The following DGKB variants were observed in gnomAD, a reference collection of about 807,000 sequenced individuals.
DGKB encodes 90 kDa diacylglycerol kinase.
Under a neutral mutation model 114.3 loss-of-function variants are expected in DGKB, and 67 were observed. The ratio of observed to expected loss-of-function variants is 0.59; its 90% CI spans 0.48 to 0.72. The LOEUF (loss-of-function observed/expected upper bound fraction) is 0.72, where lower values mean the gene tolerates loss of function less well. DGKB is among the 30% of genes least tolerant of loss of function. The pLI is 0.00. For missense variants in DGKB, 907 were observed against 975.2 expected (o/e 0.93, Z 0.93); for synonymous variants, 398 against 323.1 (o/e 1.23, Z -2.49).
At chr7:14,753,986 GT>G in intron 3 of DGKB, 38 bp from the exon 4 acceptor site, 1 of 1,393,272 alleles carries the variant, frequency 7.2e-7, no homozygotes, top group Non-Finnish European at 1.0e-6. Context: ...ATGTGTTAAT[GT>G]AAGATACTTT....
chr7:14,725,208 T>C (rs1829839721), intron 5 of DGKB, among the ~76,000 whole-genome samples: 1 of 152,056 alleles, frequency 6.6e-6, no homozygotes, highest in Non-Finnish European at 1.5e-5. Context: ...CAAAAAAACT[T>C]TCTGCACTCT....
At chr7:14,687,003 T>C (rs949911149) in intron 9 of DGKB, among the ~76,000 whole-genome samples, 11 of 152,190 alleles carry the variant, frequency 7.2e-5, no homozygotes, top group African/African-American at 2.7e-4. Flanking sequence ...CACTCCCTTG[T>C]AGGCAAAGGT....
intron 23 of DGKB, among the ~76,000 whole-genome samples, chr7:14,261,383 C>T (rs926758168): frequency 9.2e-5 from 14 of 151,942 alleles, no homozygotes; most frequent in Non-Finnish European, 2.1e-4. Flanking sequence ...TGCAGAAATA[C>T]CTAAGTGTTG....
intron 1 of DGKB, among the ~76,000 whole-genome samples, chr7:14,945,164 C>T (rs67099092): frequency 0.13 from 18,993 of 151,608 alleles, 1,304 homozygotes; most frequent in Admixed American, 0.19. Context: ...AACAAAAATG[C>T]AATCAGCTAC....
chr7:14,765,735 G>C (rs1836352578), intron 2 of DGKB, among the ~76,000 whole-genome samples: 1 of 151,902 alleles, frequency 6.6e-6, no homozygotes, highest in Non-Finnish European at 1.5e-5. Context: ...TTAAGAAAAA[G>C]AGTATACTTG....
chr7:14,704,675 A>G, intron 6 of DGKB, among the ~76,000 whole-genome samples: 1 of 152,114 alleles, frequency 6.6e-6, no homozygotes, highest in East Asian at 1.9e-4. Context: ...ACCCCTGAGC[A>G]GCCTAACTGG....
At chr7:14,166,628 C>A (rs1051501373) in intron 25 of DGKB, among the ~76,000 whole-genome samples, 2 of 152,116 alleles carry the variant, frequency 1.3e-5, no homozygotes, top group Non-Finnish European at 2.9e-5. Flanking sequence ...GCACTATAAA[C>A]CCTGGGCAGA....
rs188217710 is a variant in DGKB, at chr7:14,666,677, G to T, written c.1134+6252C>A. Among the ~76,000 whole-genome samples, 12 of 151,860 alleles carry T rather than the reference G, an allele frequency of 7.9e-5. No individual in the cohort carries two copies. In the East Asian group the frequency reaches 2.3e-3, roughly 29 times the overall value. ...TACATTTTTTTGGAAGTAAAATAAGGGGAGGATTTAAGGAAATCTACCTTT... is the reference window on the plus strand; with the variant it reads ...TACATTTTTTTGGAAGTAAAATAAGTGGAGGATTTAAGGAAATCTACCTTT... On this transcript the variant is annotated intron_variant, in intron 13 of 25. Transcript: ENST00000402815.
intron 25 of DGKB, among the ~76,000 whole-genome samples, chr7:14,152,662 G>C (rs866191085): frequency 3.9e-5 from 6 of 151,910 alleles, no homozygotes; most frequent in Admixed American, 1.3e-4. Context: ...GAAAAATGTG[G>C]GTTCAGTTTC....
At chr7:14,209,517 A>G (rs542939479) in intron 23 of DGKB, 9 of 503,002 alleles carry the variant, frequency 1.8e-5, no homozygotes, top group African/African-American at 1.6e-4. Context: ...TCAGGAGGTC[A>G]TATGCAGTCT....
At chr7:14,919,085 C>CAA (rs1554345158) in intron 1 of DGKB, among the ~76,000 whole-genome samples, 11 of 122,190 alleles carry the variant, frequency 9.0e-5, no homozygotes, top group African/African-American at 3.4e-4. Flanking sequence ...CACACACACA[C>CAA]ACACACACAA....
intron 23 of DGKB, among the ~76,000 whole-genome samples, chr7:14,281,775 GA>G (rs1800000503): frequency 6.6e-6 from 1 of 151,804 alleles, no homozygotes; most frequent in Non-Finnish European, 1.5e-5. Context: ...GGTACATAAC[GA>G]AATGAAGGCA....
At chr7:14,368,998 T>C (rs891539950) in intron 21 of DGKB, among the ~76,000 whole-genome samples, 1 of 152,142 alleles carries the variant, frequency 6.6e-6, no homozygotes, top group Non-Finnish European at 1.5e-5. Flanking sequence ...GGTATACATG[T>C]GCCATGGTGG....
chr7:14,955,349 T>G (rs1587452520), intron 1 of DGKB, among the ~76,000 whole-genome samples: 1 of 152,010 alleles, frequency 6.6e-6, no homozygotes, highest in Admixed American at 6.6e-5. Context: ...CTCATTCTCT[T>G]TCAATTTCTA....
intron 20 of DGKB, among the ~76,000 whole-genome samples, chr7:14,523,521 T>A (rs1355821288): frequency 6.6e-6 from 1 of 152,112 alleles, no homozygotes; most frequent in Non-Finnish European, 1.5e-5. Context: ...AAGCTCAGGA[T>A]CTCAGGATAT....
chr7:14,195,875 G>A (rs754191360), intron 23 of DGKB, among the ~76,000 whole-genome samples: 1 of 152,112 alleles, frequency 6.6e-6, no homozygotes, highest in Admixed American at 6.5e-5. Context: ...TGCTTAGCAA[G>A]AGATTGAAAG....
At chr7:14,883,750 G>C (rs1329295010) in intron 1 of DGKB, among the ~76,000 whole-genome samples, 2 of 151,996 alleles carry the variant, frequency 1.3e-5, no homozygotes, top group Non-Finnish European at 2.9e-5. Context: ...GGATTCAGGA[G>C]CTCTGCAAAT....
chr7:14,888,782 A>C (rs950862278), intron 1 of DGKB, among the ~76,000 whole-genome samples: 9 of 151,836 alleles, frequency 5.9e-5, no homozygotes, highest in African/African-American at 1.9e-4. Context: ...TAAGTTTCAA[A>C]GTTGGCTACA....
At chr7:14,924,543 T>G (rs548351186) in intron 1 of DGKB, among the ~76,000 whole-genome samples, 119 of 152,156 alleles carry the variant, frequency 7.8e-4, no homozygotes, top group Non-Finnish European at 1.3e-3. Flanking sequence ...AAACTCATAT[T>G]TTTCCTCTCC....
Sources: gnomAD v4.1 joint callset for allele counts (sites outside exome capture counted in the v4.1 genomes callset) on GRCh38, gnomAD v4.1.1 for gene constraint, MANE v1.5 for transcripts, NCBI Gene and HGNC (gene_info 2026-07-23, HGNC 2026-07-21) for gene names.